The following MEP1A variants were observed in gnomAD, a reference collection of about 807,000 sequenced individuals.
MEP1A encodes the protein N-benzoyl-L-tyrosyl-P-amino-benzoic acid hydrolase subunit alpha.
Under a neutral mutation model 84.5 loss-of-function variants are expected in MEP1A, and 68 were observed. That is an observed-to-expected ratio of 0.80 (90% CI 0.66 to 0.98). The LOEUF (loss-of-function observed/expected upper bound fraction) is 0.98, where lower values mean the gene tolerates loss of function less well. MEP1A is among the 50% of genes least tolerant of loss of function. The probability of loss-of-function intolerance (pLI) is 0.00; values close to 1 mark genes in which losing one functional copy is unlikely to be tolerated. For missense variants in MEP1A, 887 were observed against 919.9 expected (o/e 0.96, Z 0.46); for synonymous variants, 337 against 336.8 (o/e 1.00, Z -0.01).
downstream of MEP1A, among the ~76,000 whole-genome samples, chr6:46,843,899 T>G (rs998017118): frequency 3.9e-5 from 6 of 152,220 alleles, no homozygotes; most frequent in Admixed American, 3.9e-4. Context: ...AGCCACTTAA[T>G]AGCAGAATCT....
At chr6:46,812,515 A>G (rs1854433) in intron 6 of MEP1A, among the ~76,000 whole-genome samples, 101,993 of 151,640 alleles carry the variant, frequency 0.67, 34,812 homozygotes, top group African/African-American at 0.77. Context: ...CTGGGTTTGG[A>G]TTTGGATTGT....
downstream of MEP1A, among the ~76,000 whole-genome samples, chr6:46,844,621 T>C (rs1768383571): frequency 1.3e-5 from 2 of 152,136 alleles, no homozygotes; most frequent in African/African-American, 2.4e-5. Context: ...AATGGGGTCA[T>C]AAGAAAGGCA....
At chr6:46,807,330 A>G (rs1207565980) in intron 5 of MEP1A, among the ~76,000 whole-genome samples, 1 of 151,566 alleles carries the variant, frequency 6.6e-6, no homozygotes, top group Non-Finnish European at 1.5e-5. Context: ...ATGAGACAAA[A>G]AGTATATCCC....
chr6:46,803,147 G>A (rs1055733148), intron 5 of MEP1A, among the ~76,000 whole-genome samples: 1 of 151,404 alleles, frequency 6.6e-6, no homozygotes, highest in African/African-American at 2.4e-5. Flanking sequence ...AAATTTGTTT[G>A]TTGGTAAAAT....
chr6:46,804,794 T>G (rs2150742285), intron 5 of MEP1A, among the ~76,000 whole-genome samples: 1 of 151,960 alleles, frequency 6.6e-6, no homozygotes, highest in African/African-American at 2.4e-5. Context: ...TGGAACACTG[T>G]TATCCTTCCA....
intron 6 of MEP1A, among the ~76,000 whole-genome samples, chr6:46,819,219 A>C (rs1221429364): frequency 6.6e-6 from 1 of 152,210 alleles, no homozygotes; most frequent in Non-Finnish European, 1.5e-5. Flanking sequence ...TGTGGAGGTG[A>C]GAAGGAATGC....
chr6:46,797,770 CTTT>C (rs1368957359), intron 3 of MEP1A, among the ~76,000 whole-genome samples: 1 of 149,916 alleles, frequency 6.7e-6, no homozygotes, highest in African/African-American at 2.5e-5. Flanking sequence ...GTCTTTCTTT[CTTT>C]TTCTTTCTTT....
chr6:46,839,037 G>A lies in MEP1A; in HGVS notation c.2142G>A (p.Val714=). 1 of 1,613,806 alleles carries A rather than the reference G, an allele frequency of 6.2e-7. No homozygotes were observed. Among genetic ancestry groups the A allele is most frequent in the South Asian group, 1.1e-5 (1 of 91,062 alleles). Residue 714 remains valine, a synonymous_variant, in exon 14 of 14, where the codon GTG becomes GTA. Coordinates refer to ENST00000230588, the MANE Select transcript of MEP1A (RefSeq NM_005588.3). ...GGGAGCGCTGTCAGGCCGTGCAGGT[G>A]CACGGCAGTGTCCTGGGCATGGTGA... is the stretch of plus-strand genomic sequence containing the variant. ...YTGERCQAVQ[V]HGSVLGMVIG... is the part of the protein sequence containing the mutation.
intron 9 of MEP1A, among the ~76,000 whole-genome samples, chr6:46,828,562 GTGT>G (rs908400986): frequency 6.6e-6 from 1 of 152,176 alleles, no homozygotes; most frequent in African/African-American, 2.4e-5. Flanking sequence ...ATGGAGTTGA[GTGT>G]TGGAACACAG....
Position 46,821,796 on chromosome 6 carries a change from A to T in MEP1A, c.556+2092A>T, listed in dbSNP as rs1331367311. ...GGTTTGAGCACGGGTTGCTCAACACATATTTGCTCATCTCCTATCTGTGTT... is the reference window on the plus strand; with the variant it reads ...GGTTTGAGCACGGGTTGCTCAACACTTATTTGCTCATCTCCTATCTGTGTT... On this transcript the variant is annotated intron_variant, in intron 7 of 13. Coordinates refer to ENST00000230588, the MANE Select transcript of MEP1A (RefSeq NM_005588.3). Among the ~76,000 whole-genome samples, 3 of 152,216 alleles carry T rather than the reference A, an allele frequency of 2.0e-5. No homozygotes were observed. The East Asian group carries it at 5.8e-4, about 29-fold the overall frequency.
In MEP1A at chr6:46,818,168, A is replaced by G. The variant is rs566881436; in HGVS notation, c.381-1361A>G. ...GCAAGTTGATCATGGTTACATTTGCATAACACTGTAAATTTACTAAAAGTC... is the reference window on the plus strand; with the variant it reads ...GCAAGTTGATCATGGTTACATTTGCGTAACACTGTAAATTTACTAAAAGTC... On this transcript the variant is annotated intron_variant, in intron 6 of 13. Transcript: ENST00000230588. 6.6e-5 allele frequency among the ~76,000 whole-genome samples: 10 copies of G among 152,366 alleles called. No homozygotes were observed. The East Asian group carries it at 1.9e-3, about 29-fold the overall frequency.
At chr6:46,841,339 C>T (rs2150760819), downstream of MEP1A, among the ~76,000 whole-genome samples, 1 of 67,220 alleles carries the variant, frequency 1.5e-5, no homozygotes, top group African/African-American at 5.2e-5. Context: ...TAATGGAAAC[C>T]TCTGTTGATT....
At chr6:46,838,769 G>A (rs1768272733) in intron 13 of MEP1A, among the ~76,000 whole-genome samples, 1 of 152,204 alleles carries the variant, frequency 6.6e-6, no homozygotes, top group Non-Finnish European at 1.5e-5. Context: ...AGATGAAGAT[G>A]ATGAGAATGG....
At chr6:46,806,127 A>T (rs1411214441) in intron 5 of MEP1A, among the ~76,000 whole-genome samples, 6 of 151,992 alleles carry the variant, frequency 3.9e-5, no homozygotes. Context: ...AAATTATGTA[A>T]CAAGTATACA....
chr6:46,832,504 C>CT (rs1768099581), intron 10 of MEP1A, among the ~76,000 whole-genome samples: 1 of 152,126 alleles, frequency 6.6e-6, no homozygotes, highest in Non-Finnish European at 1.5e-5. Context: ...GCTTACTTTG[C>CT]TCCCCTACAT....
intron 4 of MEP1A, 125 bp from the exon 5 acceptor site, chr6:46,798,981 A>G (rs1050405926): frequency 3.0e-6 from 2 of 674,564 alleles, no homozygotes; most frequent in Non-Finnish European, 5.3e-6. Context: ...ATCAAAAGAC[A>G]AATTGCCACT....
At chr6:46,828,622 T>C (rs1226483538) in intron 9 of MEP1A, among the ~76,000 whole-genome samples, 3 of 152,348 alleles carry the variant, frequency 2.0e-5, no homozygotes, top group Admixed American at 2.0e-4. Context: ...GTGCTTGACT[T>C]TGACAAGTGT....
intron 5 of MEP1A, among the ~76,000 whole-genome samples, chr6:46,807,175 A>T (rs1053122481): frequency 6.6e-6 from 1 of 151,892 alleles, no homozygotes; most frequent in Admixed American, 6.6e-5. Context: ...TCAAAAGAAA[A>T]AAAAAGAACA....
the MEP1A span, among the ~76,000 whole-genome samples, chr6:46,845,316 A>G: frequency 6.6e-6 from 1 of 152,364 alleles, no homozygotes; most frequent in East Asian, 1.9e-4. Context: ...CATAATGGCC[A>G]GAGTGAGAGC....
Sources: allele counts gnomAD v4.1 joint callset (sites outside exome capture counted in the v4.1 genomes callset), GRCh38; gene constraint gnomAD v4.1.1; transcripts MANE v1.5; gene names NCBI Gene and HGNC (gene_info 2026-07-23, HGNC 2026-07-21).